PKD1: variants seen among roughly 807,000 people sequenced by gnomAD.
PKD1 encodes the protein polycystin-1.
A neutral mutation model predicts 361.7 loss-of-function variants in PKD1; 81 were observed. The ratio of observed to expected loss-of-function variants is 0.22; its 90% CI spans 0.19 to 0.27. The LOEUF (loss-of-function observed/expected upper bound fraction) is 0.27, where lower values mean the gene tolerates loss of function less well. Ranked by LOEUF, PKD1 falls within the 10% of genes least tolerant of loss-of-function variation. The pLI, the probability that PKD1 is intolerant of heterozygous loss-of-function variation, is 1.00. For synonymous variants in PKD1, 3,615 were observed against 2,818.3 expected (o/e 1.28, Z -8.95); for missense variants, 6,399 against 6,118.3 (o/e 1.05, Z -1.53).
chr16:2,093,016 G>C lies in PKD1; in HGVS notation c.11094C>G (p.Ala3698=). The change falls in exon 38 of 46, where the codon GCC becomes GCG. Residue 3698 remains alanine, a synonymous_variant. Coordinates refer to ENST00000262304, the MANE Select transcript of PKD1 (RefSeq NM_001009944.3). ...SYGDASCHGH[A]YRLQSAIKQE... is the part of the protein sequence containing the mutation. ...GCTTGATGGCGCTTTGCAGACGGTAGGCGTGCCCATGGCATGAGGCATCCC... is the reference window on the plus strand; with the variant it reads ...GCTTGATGGCGCTTTGCAGACGGTACGCGTGCCCATGGCATGAGGCATCCC... 1 of 1,613,000 alleles carries C rather than the reference G, an allele frequency of 6.2e-7. No individual in the cohort carries two copies. The highest frequency in any genetic ancestry group is 8.5e-7 in the Non-Finnish European group (1 of 1,180,012).
At chr16:2,126,624 C>G (rs1176021430) in intron 1 of PKD1, among the ~76,000 whole-genome samples, 1 of 152,290 alleles carries the variant, frequency 6.6e-6, no homozygotes, top group Non-Finnish European at 1.5e-5. Flanking sequence ...CAGACGTGCC[C>G]GGCCTCAGCC....
chr16:2,096,419 C>T (rs918105295), intron 34 of PKD1, among the ~76,000 whole-genome samples: 6 of 152,274 alleles, frequency 3.9e-5, no homozygotes, highest in East Asian at 1.9e-4. Context: ...TGCGCTCCGC[C>T]GCCGGCTGCC....
At chr16:2,114,020 A>C in intron 11 of PKD1, 150 bp downstream of exon 11, 5 of 689,458 alleles carry the variant, frequency 7.3e-6, no homozygotes, top group Non-Finnish European at 1.2e-5. Context: ...AGGTAGCCCG[A>C]GGAGCCAGCC....
At chr16:2,113,076 C>G in intron 12 of PKD1, 85 bp downstream of exon 12, 1 of 1,225,474 alleles carries the variant, frequency 8.2e-7, no homozygotes, top group Non-Finnish European at 1.2e-6. Context: ...CAGCATGAAG[C>G]AGAGCAGAAG....
rs752906217 is a variant in PKD1, at chr16:2,102,410, G to T, written c.9172C>A (p.Pro3058Thr). ...AACACAAAGCGGACATGGCTTGGGG[G>T]CACGAAGAGGCTGGCGCCGAAGGCG... ...LTAFGASLFV[P>T]PSHVRFVFPE... The change falls in exon 25 of 46, where the codon CCC becomes ACC. Residue 3058 changes from proline to threonine, a missense_variant. Pro to Thr is a conservative substitution (Grantham distance 38, BLOSUM62 -1). Coordinates refer to ENST00000262304, the MANE Select transcript of PKD1 (RefSeq NM_001009944.3). 1.3e-6 allele frequency: 2 copies of T among 1,556,498 alleles called. No individual in the cohort carries two copies. Among genetic ancestry groups the T allele is most frequent in the East Asian group, 2.4e-5 (1 of 41,704 alleles).
At chr16:2,112,667 C>G (rs2092546407) in intron 13 of PKD1, 121 bp downstream of exon 13, 4 of 1,207,160 alleles carry the variant, frequency 3.3e-6, no homozygotes, top group Non-Finnish European at 4.7e-6. Context: ...CAGTTACCTC[C>G]CAACAGACAG....
At position 2,118,577 on chromosome 16, in the gene PKD1, C is replaced by G; in HGVS notation, c.529+99G>C. 1 of 865,966 alleles carries G rather than the reference C, an allele frequency of 1.2e-6. No individual in the cohort carries two copies. Among genetic ancestry groups the G allele is most frequent in the African/African-American group, 1.7e-5 (1 of 60,500 alleles). The allele number at this position is 865,966 out of a possible 1,614,324, so 53.6% of individuals were successfully genotyped here. A position where few individuals can be genotyped will look rare whatever the true frequency, so the allele number is the denominator to read the frequency against. Reference sequence around the variant, plus strand: ...ATGCTGTTCCCTTGGCCCGGAGGCCCCCCCCAGAGAGGCCTTCCTGAGCCC... The same window carrying G: ...ATGCTGTTCCCTTGGCCCGGAGGCCGCCCCCAGAGAGGCCTTCCTGAGCCC... On this transcript the variant is annotated intron_variant, in intron 4 of 45. Coordinates refer to ENST00000262304, the MANE Select transcript of PKD1 (RefSeq NM_001009944.3). This position sits in a 1 kb window ranked among gnomAD's most constrained non-coding sequence, Gnocchi z 6.0.
chr16:2,093,610 G>A lies in PKD1; in HGVS notation c.10950C>T (p.His3650=), dbSNP rs772258804. The part of the protein sequence containing the change: ...SARVPRVRPP[H]GFALFLAKEE... ...CCTTGGCCAGGAAGAGTGCAAAGCCGTGGGGTGGCCGTACGCGGGGCACAC... is the reference window on the plus strand; with the variant it reads ...CCTTGGCCAGGAAGAGTGCAAAGCCATGGGGTGGCCGTACGCGGGGCACAC... The change falls in exon 37 of 46, where the codon CAC becomes CAT. Residue 3650 remains histidine (H), a synonymous_variant. Coordinates refer to ENST00000262304, the MANE Select transcript of PKD1 (RefSeq NM_001009944.3). 6.2e-5 allele frequency: 100 copies of A among 1,609,208 alleles called. No homozygotes were observed. The highest frequency in any genetic ancestry group is 2.0e-4 in the East Asian group (9 of 44,788).
At chr16:2,098,398 C>T (rs1402043104) in intron 30 of PKD1, among the ~76,000 whole-genome samples, 29 of 150,688 alleles carry the variant, frequency 1.9e-4, no homozygotes, top group Non-Finnish European at 3.8e-4. Flanking sequence ...TTAGTAGAGA[C>T]GGGGTTTCAC....
rs772034762 is a variant in PKD1 at position 2,111,825 on chromosome 16, C to T, written c.3342G>A (p.Leu1114=). The change falls in exon 15 of 46, where the codon CTG becomes CTA. Residue 1114 remains leucine, a synonymous_variant. Coordinates refer to ENST00000262304, the MANE Select transcript of PKD1 (RefSeq NM_001009944.3). The part of the protein sequence containing the change: ...TVLASNAFEN[L]TQQVPVSVRA... Reference sequence around the variant, plus strand: ...GCACGCTCACAGGCACCTGCTGCGTCAGGTTCTCGAAGGCATTAGATGCCA... The same window carrying T: ...GCACGCTCACAGGCACCTGCTGCGTTAGGTTCTCGAAGGCATTAGATGCCA... 1 of 1,610,282 alleles carries T rather than the reference C, an allele frequency of 6.2e-7. No individual in the cohort carries two copies. Among genetic ancestry groups the T allele is most frequent in the Admixed American group, 1.7e-5 (1 of 59,986 alleles).
chr16:2,117,764 G>A, intron 5 of PKD1, 27 bp downstream of exon 5: 11 of 1,076,572 alleles, frequency 1.0e-5, no homozygotes, highest in Non-Finnish European at 1.4e-5. Flanking sequence ...CCCTGGGGAG[G>A]AAGGGGAGTG....
chr16:2,110,641 T>C lies in PKD1; in HGVS notation c.4526A>G (p.Glu1509Gly), dbSNP rs1361736194. 6.2e-7 allele frequency: 1 copy of C among 1,609,920 alleles called. No homozygotes were observed. Among genetic ancestry groups the C allele is most frequent in the Admixed American group, 1.7e-5 (1 of 59,994 alleles). The change falls in exon 15 of 46, where the codon GAG becomes GGG. Residue 1509 changes from glutamate to glycine, a missense_variant. By Grantham distance (98) the Glu-to-Gly change is moderately conservative. Transcript: ENST00000262304. ...GTAAGCGTGGGTGACCTCCGGACCC[T>C]CGAGCCACCCACCGTCCCCCAGATC... The part of the protein sequence containing the change: ...LWDLGDGGWL[E>G]GPEVTHAYNS...
rs774874586 is a variant in PKD1 at position 2,108,248 on chromosome 16, T to C, written c.6915+4A>G. On this transcript the variant is annotated splice_donor_region_variant and intron_variant, in intron 15 of 45. Transcript: ENST00000262304. ...CATGGAGGACGGCCCTGCCACGCAC[T>C]GACCTGTGTCGAAGCCACACAGGCC... is the stretch of plus-strand genomic sequence containing the variant. 9 of 1,596,058 alleles carry C rather than the reference T, an allele frequency of 5.6e-6. No homozygotes were observed. The East Asian group carries it at 9.0e-5, about 16-fold the overall frequency.
At position 2,106,117 on chromosome 16, in the gene PKD1, C is replaced by T. The variant is rs2092327953; in HGVS notation, c.7677G>A (p.Leu2559=). 2 of 1,605,558 alleles carry T rather than the reference C, an allele frequency of 1.2e-6. No homozygotes were observed. ...TGTTGAGGGCGACCACAGCGGCTCC[C>T]AGCTGGTCCTGCACCACCACGGCCA... The part of the protein sequence containing the change: ...VGLAVVVQDQ[L]GAAVVALNRS... The change falls in exon 19 of 46, where the codon CTG becomes CTA. Residue 2559 remains leucine, a synonymous_variant. Transcript: ENST00000262304. The surrounding 1 kb of genome is among the most constrained non-coding windows in gnomAD (Gnocchi z 6.5).
intron 1 of PKD1, chr16:2,135,042 C>T: frequency 1.0e-6 from 1 of 953,168 alleles, no homozygotes. Context: ...TCGCCCCTTC[C>T]TAAGCATCAG....
In PKD1 at chr16:2,117,513, C is replaced by G. The variant is rs1244006755; in HGVS notation, c.1361G>C (p.Arg454Pro). 6.4e-7 allele frequency: 1 copy of G among 1,573,896 alleles called. No homozygotes were observed. Among genetic ancestry groups the G allele is most frequent in the African/African-American group, 1.4e-5 (1 of 74,032 alleles). ...LAMVDSPAVQRFLVSRVTRSL... is the reference protein window; with the variant it reads ...LAMVDSPAVQPFLVSRVTRSL... ...CCTGGTGACCCGGGAGACCAGGAAG[C>G]GCTGCACGGCGGGACTGTCCACCAT... Residue 454 changes from arginine to proline, a missense_variant, in exon 6 of 46, where the codon CGC becomes CCC. By Grantham distance (103) the Arg-to-Pro change is moderately radical. Transcript: ENST00000262304.
rs765313088 is a variant in PKD1 at position 2,090,413 on chromosome 16, G to A, written c.12316C>T (p.Leu4106Phe). 8 of 1,612,490 alleles carry A rather than the reference G, an allele frequency of 5.0e-6. No individual in the cohort carries two copies. Among genetic ancestry groups the A allele is most frequent in the Non-Finnish European group, 5.9e-6 (7 of 1,179,900 alleles). The change falls in exon 45 of 46, where the codon CTC (leucine) becomes TTC (phenylalanine). Residue 4106 changes from leucine to phenylalanine, a missense_variant. Coordinates refer to ENST00000262304, the MANE Select transcript of PKD1 (RefSeq NM_001009944.3). ...WGALRLGAVI[L>F]RWRYHALRGE... ...CGCAAGGCGTGGTAGCGCCAGCGGA[G>A]AATAACAGCCCCCAGCCGTAGGGCG... is the stretch of plus-strand genomic sequence containing the variant.
chr16:2,092,145 C>T lies in PKD1; in HGVS notation c.11313G>A (p.Ser3771=), dbSNP rs776847185. 4.3e-6 allele frequency: 7 copies of T among 1,612,424 alleles called. No individual in the cohort carries two copies. The highest frequency in any genetic ancestry group is 2.2e-5 in the East Asian group (1 of 44,880). ...DPPGPRVHTC[S]AAGGFSTSDY... is the part of the protein sequence containing the mutation. ...CGCTGGTGCTGAAGCCTCCTGCGGC[C>T]GAGCACGTGTGGACCCTGGGGCCGG... The change falls in exon 40 of 46, where the codon TCG becomes TCA. Residue 3771 remains serine (S), a synonymous_variant. Coordinates refer to ENST00000262304, the MANE Select transcript of PKD1 (RefSeq NM_001009944.3).
At chr16:2,130,842 C>T (rs2092866341) in intron 1 of PKD1, among the ~76,000 whole-genome samples, 1 of 152,244 alleles carries the variant, frequency 6.6e-6, no homozygotes. Flanking sequence ...TATTTTACAT[C>T]AGTGAACCAA....
Sources: allele counts gnomAD v4.1 joint callset (sites outside exome capture counted in the v4.1 genomes callset), GRCh38; gene constraint gnomAD v4.1.1; non-coding constraint Gnocchi (gnomAD v3.1); transcripts MANE v1.5; gene names NCBI Gene and HGNC (gene_info 2026-07-23, HGNC 2026-07-21).